Variants in ZCCHC7 observed in about 807,000 individuals in gnomAD.
The protein encoded by ZCCHC7 is zinc finger CCHC-type containing 7, also known as zinc finger CCHC domain-containing protein 7.
Under a neutral mutation model 52.0 loss-of-function variants are expected in ZCCHC7, and 35 were observed. The observed-to-expected ratio is 0.67, with a 90% CI of 0.51 to 0.89. The LOEUF (loss-of-function observed/expected upper bound fraction) is 0.89. Among genes scored for constraint, ZCCHC7 ranks in the 40% least tolerant of loss-of-function variants. The pLI, the probability that ZCCHC7 is intolerant of heterozygous loss-of-function variation, is 0.00. For synonymous variants in ZCCHC7, 217 were observed against 221.5 expected (o/e 0.98, Z 0.18); for missense variants, 574 against 649.1 (o/e 0.88, Z 1.26).
At chr9:37,204,044 T>G (rs1376879246) in intron 2 of ZCCHC7, among the ~76,000 whole-genome samples, 2 of 152,246 alleles carry the variant, frequency 1.3e-5, no homozygotes, top group Non-Finnish European at 2.9e-5. Flanking sequence ...TGATTTGCAT[T>G]TCTCTGATGA....
At chr9:37,333,614 G>A (rs1032612682) in intron 6 of ZCCHC7, among the ~76,000 whole-genome samples, 4 of 151,566 alleles carry the variant, frequency 2.6e-5, no homozygotes, top group East Asian at 3.9e-4. Flanking sequence ...GGAGCATCAC[G>A]TTTGCACTTT....
At position 37,126,346 on chromosome 9, in the gene ZCCHC7, G is replaced by A; in HGVS notation, c.14G>A (p.Gly5Asp). The stretch of plus-strand genomic sequence containing the variant: ...TACTGACTTTTTATGATGTTTGGTG[G>A]CTATGAGACTATAGAAGCATACGAA... MMFG[G>D]YETIEAYEDD... is the part of the protein sequence containing the mutation. Residue 5 changes from glycine (G) to aspartate (D), a missense_variant, in exon 2 of 9, where the codon GGC becomes GAC. This residue lies in a region of ZCCHC7 where 403 missense variants were observed against 461.2 expected (regional missense o/e 0.87). Coordinates refer to ENST00000336755, the MANE Select transcript of ZCCHC7 (RefSeq NM_032226.3). 1 of 1,611,716 alleles carries A rather than the reference G, an allele frequency of 6.2e-7. No homozygotes were observed. The highest frequency in any genetic ancestry group is 8.5e-7 in the Non-Finnish European group (1 of 1,178,792).
chr9:37,317,218 T>C (rs1829861861), intron 5 of ZCCHC7, among the ~76,000 whole-genome samples: 1 of 152,198 alleles, frequency 6.6e-6, no homozygotes, highest in Non-Finnish European at 1.5e-5. Flanking sequence ...AGACTTCTCC[T>C]GTATAGTACT....
intron 2 of ZCCHC7, among the ~76,000 whole-genome samples, chr9:37,260,218 T>C (rs2133441453): frequency 6.6e-6 from 1 of 152,322 alleles, no homozygotes; most frequent in East Asian, 1.9e-4. Context: ...TACTTTGGCT[T>C]TCCACTGTAT....
chr9:37,199,051 C>T lies in ZCCHC7; in HGVS notation c.610+72109C>T, dbSNP rs144081289. ...TTTCTATTGCTTCCTATTTTTGACACATTTGCCACACCCTCCTCCCCACCT... is the reference window on the plus strand; with the variant it reads ...TTTCTATTGCTTCCTATTTTTGACATATTTGCCACACCCTCCTCCCCACCT... On this transcript the variant is annotated intron_variant, in intron 2 of 8. Transcript: ENST00000336755. Among the ~76,000 whole-genome samples the T allele has an allele frequency of 1.5e-3, 221 of 152,244 alleles. 1 individual carries two copies. Among genetic ancestry groups the T allele is most frequent in the Non-Finnish European group, 6.3e-4 (43 of 68,006 alleles).
intron 6 of ZCCHC7, among the ~76,000 whole-genome samples, chr9:37,348,712 C>G (rs1821178248): frequency 6.6e-6 from 1 of 152,108 alleles, no homozygotes; most frequent in South Asian, 2.1e-4. Context: ...ACACTTAAAA[C>G]TGGATAAAGC....
chr9:37,291,241 G>T (rs2133629382), intron 2 of ZCCHC7, among the ~76,000 whole-genome samples: 1 of 152,244 alleles, frequency 6.6e-6, no homozygotes, highest in South Asian at 2.1e-4. Flanking sequence ...CTAGGTACTA[G>T]AACCTAATGA....
At chr9:37,351,173 T>G (rs904328009) in intron 7 of ZCCHC7, among the ~76,000 whole-genome samples, 1 of 152,176 alleles carries the variant, frequency 6.6e-6, no homozygotes, top group African/African-American at 2.4e-5. Context: ...ACATAACTTA[T>G]GAAAGCCAGG....
At chr9:37,192,532 T>A (rs1416600028) in intron 2 of ZCCHC7, among the ~76,000 whole-genome samples, 1 of 152,218 alleles carries the variant, frequency 6.6e-6, no homozygotes, top group Non-Finnish European at 1.5e-5. Context: ...CATACATGGT[T>A]GAAGTTGAAA....
intron 2 of ZCCHC7, among the ~76,000 whole-genome samples, chr9:37,237,902 G>A (rs891454464): frequency 2.0e-5 from 3 of 151,996 alleles, no homozygotes; most frequent in African/African-American, 2.4e-5. Context: ...ACTAATGATC[G>A]TAATCCCTTC....
At chr9:37,244,248 G>GAA (rs745683940) in intron 2 of ZCCHC7, among the ~76,000 whole-genome samples, 1 of 119,464 alleles carries the variant, frequency 8.4e-6, no homozygotes, top group Non-Finnish European at 1.8e-5. Context: ...TTCGTTTAAA[G>GAA]AAAAAAAAAA....
At chr9:37,308,994 A>C (rs1829468925) in intron 5 of ZCCHC7, among the ~76,000 whole-genome samples, 1 of 152,004 alleles carries the variant, frequency 6.6e-6, no homozygotes, top group Admixed American at 6.6e-5. Context: ...AAAAAAAAAA[A>C]AAACAGCCTG....
At chr9:37,121,924 T>C (rs1338291684) in intron 1 of ZCCHC7, among the ~76,000 whole-genome samples, 3 of 152,214 alleles carry the variant, frequency 2.0e-5, no homozygotes, top group Non-Finnish European at 1.5e-5. Context: ...ATTTGAAAAA[T>C]GGACAGACAT....
intron 2 of ZCCHC7, among the ~76,000 whole-genome samples, chr9:37,217,319 A>G (rs1824556752): frequency 6.6e-6 from 1 of 152,220 alleles, no homozygotes; most frequent in Admixed American, 6.5e-5. Context: ...AAATGTGGCA[A>G]GCACTGTGTC....
At chr9:37,199,601 G>C (rs2133151555) in intron 2 of ZCCHC7, among the ~76,000 whole-genome samples, 1 of 151,456 alleles carries the variant, frequency 6.6e-6, no homozygotes, top group African/African-American at 2.4e-5. Flanking sequence ...CCAAAGTGCT[G>C]GGATTACAGG....
At chr9:37,218,831 A>G (rs1219315207) in intron 2 of ZCCHC7, among the ~76,000 whole-genome samples, 2 of 151,864 alleles carry the variant, frequency 1.3e-5, no homozygotes, top group African/African-American at 4.8e-5. Context: ...AACGAATTGT[A>G]TCCTGCAGAG....
At chr9:37,304,691 TA>T (rs1255478393) in intron 4 of ZCCHC7, among the ~76,000 whole-genome samples, 5 of 151,846 alleles carry the variant, frequency 3.3e-5, no homozygotes, top group African/African-American at 1.2e-4. Flanking sequence ...TGAAACCCTA[TA>T]ACCTTAGAAT....
rs552137134 is a variant in ZCCHC7, at chr9:37,172,410, C to T, written c.610+45468C>T. Among the ~76,000 whole-genome samples, 24 of 152,312 alleles carry T rather than the reference C, an allele frequency of 1.6e-4. No individual in the cohort carries two copies. In the East Asian group the frequency reaches 1.9e-3, roughly 12 times the overall value. ...ACTGACTTTTAAACATTCACTTTCC[C>T]CCCATTGTCTTACGCATTAATAGAA... On this transcript the variant is annotated intron_variant, in intron 2 of 8. Transcript: ENST00000336755.
chr9:37,120,611 C>A lies in ZCCHC7; in HGVS notation c.-34C>A. The A allele has an allele frequency of 5.0e-6, 2 of 398,468 alleles. No homozygotes were observed. Among genetic ancestry groups the A allele is most frequent in the Non-Finnish European group, 8.9e-6 (2 of 225,718 alleles). The allele number at this position is 398,468 out of a possible 1,614,324, so 24.7% of individuals were successfully genotyped here. ...TGGTTCCCGGTTGGTGCTTCCTGTT[C>A]GCAGCTGCGGCAGTGAGTATGTGTG... On this transcript the variant is annotated 5_prime_UTR_variant, in exon 1 of 9. Transcript: ENST00000336755.
Sources: allele counts gnomAD v4.1 joint callset (sites outside exome capture counted in the v4.1 genomes callset), GRCh38; gene constraint gnomAD v4.1.1; regional missense constraint gnomAD v4.1.1; transcripts MANE v1.5; gene names NCBI Gene and HGNC (gene_info 2026-07-23, HGNC 2026-07-21).